The following CREB5 variants were observed in gnomAD, a reference collection of about 807,000 sequenced individuals.
The protein encoded by CREB5 is cAMP responsive element binding protein 5.
In CREB5, 19 loss-of-function variants were observed where a neutral mutation model predicts 57.1. The observed-to-expected ratio is 0.33, with a 90% CI of 0.23 to 0.49. CREB5 has a LOEUF of 0.49. Among genes scored for constraint, CREB5 ranks in the 20% least tolerant of loss-of-function variants. The pLI is 0.99. For missense variants in CREB5, 579 were observed against 671.6 expected (o/e 0.86, Z 1.52); for synonymous variants, 238 against 238.3 (o/e 1.00, Z 0.01).
At chr7:28,593,216 G>GT (rs70977060) in intron 5 of CREB5, among the ~76,000 whole-genome samples, 28,997 of 152,048 alleles carry the variant, frequency 0.19, 3,388 homozygotes, top group East Asian at 0.34. Context: ...GTTGAATCAA[G>GT]TTTTTTTATT....
intron 7 of CREB5, among the ~76,000 whole-genome samples, chr7:28,757,168 G>C (rs115208209): frequency 1.8e-4 from 27 of 152,234 alleles, no homozygotes; most frequent in Non-Finnish European, 2.9e-4. Flanking sequence ...TCTCGCAACC[G>C]TCGTATATGA....
chr7:28,760,561 C>T (rs1299679135), intron 7 of CREB5, among the ~76,000 whole-genome samples: 1 of 152,206 alleles, frequency 6.6e-6, no homozygotes, highest in African/African-American at 2.4e-5. Context: ...TTGTGGCTGT[C>T]TCTTTCTGAA....
At chr7:28,628,638 C>T (rs1798091296) in intron 5 of CREB5, among the ~76,000 whole-genome samples, 1 of 152,124 alleles carries the variant, frequency 6.6e-6, no homozygotes, top group Admixed American at 6.5e-5. Context: ...GATGAGGGGA[C>T]ATGCTGGCCA....
At chr7:28,494,387 A>G (rs1232369583) in intron 2 of CREB5, among the ~76,000 whole-genome samples, 1 of 152,106 alleles carries the variant, frequency 6.6e-6, no homozygotes, top group African/African-American at 2.4e-5. Context: ...TTTTGTATAT[A>G]TATGTTATTT....
chr7:28,551,993 CTTT>C (rs1794682843), intron 4 of CREB5, among the ~76,000 whole-genome samples: 1 of 27,584 alleles, frequency 3.6e-5, no homozygotes, highest in African/African-American at 3.5e-4. Flanking sequence ...CTCTTTCTCT[CTTT>C]TCTCTCTCTC....
intron 7 of CREB5, among the ~76,000 whole-genome samples, chr7:28,776,104 G>A (rs1383022945): frequency 6.6e-6 from 1 of 151,962 alleles, no homozygotes; most frequent in Non-Finnish European, 1.5e-5. Flanking sequence ...TTGGGAGGCC[G>A]AGGCGGGCGG....
Position 28,724,122 on chromosome 7 carries a change from A to G in CREB5, c.592-100A>G, listed in dbSNP as rs181466370. The G allele has an allele frequency of 5.6e-5, 58 of 1,028,778 alleles. No individual in the cohort carries two copies. In the African/African-American group the frequency reaches 8.6e-4, roughly 15 times the overall value. 63.7% of individuals were successfully genotyped at this position (1,028,778 alleles called of 1,614,324 possible). A position where few individuals can be genotyped will look rare whatever the true frequency, so the allele number is the denominator to read the frequency against. ...CATAGGCCTTCTCAGGATTTCTTCA[A>G]AGAAATACTAAACGATCCATTGGAC... On this transcript the variant is annotated intron_variant, in intron 6 of 10. Coordinates refer to ENST00000357727, the MANE Select transcript of CREB5 (RefSeq NM_182898.4).
At chr7:28,465,570 C>T (rs1156982033) in intron 1 of CREB5, among the ~76,000 whole-genome samples, 1 of 152,144 alleles carries the variant, frequency 6.6e-6, no homozygotes, top group Non-Finnish European at 1.5e-5. Flanking sequence ...AGGTAGAGGG[C>T]CTGAATTCAA....
chr7:28,544,898 T>G (rs1048319256), intron 4 of CREB5, among the ~76,000 whole-genome samples: 3 of 152,160 alleles, frequency 2.0e-5, no homozygotes, highest in African/African-American at 4.8e-5. Flanking sequence ...AAAATATAAA[T>G]CTGGGAACAG....
chr7:28,658,959 A>ATG (rs1799457720), intron 5 of CREB5, among the ~76,000 whole-genome samples: 1 of 129,564 alleles, frequency 7.7e-6, no homozygotes, highest in Non-Finnish European at 1.6e-5. Context: ...GTGTGTATAT[A>ATG]TATATATATA....
At chr7:28,632,332 C>T (rs944771424) in intron 5 of CREB5, among the ~76,000 whole-genome samples, 1 of 152,144 alleles carries the variant, frequency 6.6e-6, no homozygotes, top group Non-Finnish European at 1.5e-5. Context: ...GCAGCAATTT[C>T]GAAAAATTTC....
chr7:28,741,493 G>A (rs1804344532), intron 7 of CREB5, among the ~76,000 whole-genome samples: 1 of 151,926 alleles, frequency 6.6e-6, no homozygotes, highest in South Asian at 2.1e-4. Context: ...TATCTCTGAA[G>A]CCATCCCTGG....
chr7:28,402,701 G>C (rs545979597), intron 1 of CREB5, among the ~76,000 whole-genome samples: 1 of 152,108 alleles, frequency 6.6e-6, no homozygotes, highest in Admixed American at 6.6e-5. Context: ...TTAAATGTTA[G>C]GCCTAAAACC....
chr7:28,487,865 C>G (rs1046097846), intron 1 of CREB5, among the ~76,000 whole-genome samples: 1 of 152,114 alleles, frequency 6.6e-6, no homozygotes, highest in Non-Finnish European at 1.5e-5. Context: ...GTGGTCTTTC[C>G]TGGTAGTAAC....
At chr7:28,568,690 C>T (rs1178964896) in intron 4 of CREB5, among the ~76,000 whole-genome samples, 1 of 152,144 alleles carries the variant, frequency 6.6e-6, no homozygotes, top group Non-Finnish European at 1.5e-5. Context: ...TTTGGGGTCC[C>T]ACAACGACAC....
chr7:28,556,490 G>A (rs1004051380), intron 4 of CREB5, among the ~76,000 whole-genome samples: 36 of 152,120 alleles, frequency 2.4e-4, no homozygotes, highest in African/African-American at 8.0e-4. Context: ...TTTTTTAGGT[G>A]TGTGGGTCAA....
rs559371219 is a variant in CREB5 at position 28,423,758 on chromosome 7, T to C, written c.3+10841T>C. ...CAAAAATGCCAAGAGCAACTGTAAC[T>C]GAAAGGTACAGTGCATTATTGGGTT... On this transcript the variant is annotated intron_variant, in intron 1 of 10. Transcript: ENST00000357727. Among the ~76,000 whole-genome samples, 11 of 152,304 alleles carry C rather than the reference T, an allele frequency of 7.2e-5. No individual in the cohort carries two copies. The South Asian group carries it at 1.0e-3, about 14-fold the overall frequency.
intron 7 of CREB5, among the ~76,000 whole-genome samples, chr7:28,782,027 T>C (rs1323805214): frequency 1.3e-5 from 2 of 151,738 alleles, no homozygotes; most frequent in Non-Finnish European, 2.9e-5. Context: ...GCTTCCCATG[T>C]AGCTGGGATT....
chr7:28,813,422 G>T (rs1220745273), intron 9 of CREB5, among the ~76,000 whole-genome samples: 2 of 152,206 alleles, frequency 1.3e-5, no homozygotes, highest in Non-Finnish European at 2.9e-5. Context: ...CATGGTCTAA[G>T]TTGCTGCTGA....
Sources: allele counts gnomAD v4.1 joint callset (sites outside exome capture counted in the v4.1 genomes callset), GRCh38; gene constraint gnomAD v4.1.1; transcripts MANE v1.5; gene names NCBI Gene and HGNC (gene_info 2026-07-23, HGNC 2026-07-21).